MAGI1: variants seen among roughly 807,000 people sequenced by gnomAD.
MAGI1 encodes the protein membrane-associated guanylate kinase, WW and PDZ domain-containing protein 1.
A neutral mutation model predicts 139.9 loss-of-function variants in MAGI1; 58 were observed. The observed-to-expected ratio is 0.41, with a 90% CI of 0.34 to 0.52. MAGI1 has a LOEUF of 0.52. MAGI1 is among the 20% of genes least tolerant of loss of function. MAGI1 has a pLI of 0.12. For missense variants in MAGI1, 1,874 were observed against 1,901.6 expected, an observed-to-expected ratio of 0.99 and a Z score of 0.27; for synonymous variants, 812 against 737.9, an observed-to-expected ratio of 1.10 and a Z score of -1.63.
intron 1 of MAGI1, among the ~76,000 whole-genome samples, chr3:65,914,861 T>C (rs2061827004): frequency 6.6e-6 from 1 of 152,166 alleles, no homozygotes; most frequent in Admixed American, 6.5e-5. Context: ...TCGGGTAAGA[T>C]ATGTTACTTT....
At chr3:65,462,039 T>C (rs1949831676) in intron 5 of MAGI1, among the ~76,000 whole-genome samples, 1 of 152,178 alleles carries the variant, frequency 6.6e-6, no homozygotes, top group African/African-American at 2.4e-5. Flanking sequence ...AATGGATAGA[T>C]TCCAAACATG....
rs370763213 is a variant in MAGI1 at position 65,477,717 on chromosome 3, T to TATTATTATTATTA, written c.757+874_757+875insTAATAATAATAAT. 9.8e-4 allele frequency among the ~76,000 whole-genome samples: 122 copies of TATTATTATTATTA among 124,450 alleles called. 2 individuals carry two copies. The highest frequency in any genetic ancestry group is 5.1e-3 in the South Asian group (21 of 4,092). 81.6% of individuals were successfully genotyped at this position (124,450 alleles called of 152,430 possible). ...CATTATTATTATTATTATTATTTTT[T>TATTATTATTATTA]TTTTTTTATTTATATTTTTTGAGAC... is the stretch of plus-strand genomic sequence containing the variant. On this transcript the variant is annotated intron_variant, in intron 4 of 22. Coordinates refer to ENST00000402939, the MANE Select transcript of MAGI1 (RefSeq NM_001033057.2).
intron 1 of MAGI1, among the ~76,000 whole-genome samples, chr3:65,729,043 A>G (rs2033913145): frequency 7.0e-6 from 1 of 142,798 alleles, no homozygotes; most frequent in African/African-American, 2.6e-5. Context: ...TGGACCTGGC[A>G]TGGTCTGAAT....
At chr3:65,753,056 G>T (rs1276027975) in intron 1 of MAGI1, among the ~76,000 whole-genome samples, 2 of 152,116 alleles carry the variant, frequency 1.3e-5, no homozygotes, top group Non-Finnish European at 2.9e-5. Flanking sequence ...GTGTCAGAAT[G>T]ATTTTTTTCC....
At chr3:65,510,947 G>A (rs1365006226) in intron 2 of MAGI1, among the ~76,000 whole-genome samples, 1 of 148,596 alleles carries the variant, frequency 6.7e-6, no homozygotes, top group Non-Finnish European at 1.5e-5. Context: ...CAGACTAACA[G>A]CGGATCTCTT....
intron 1 of MAGI1, among the ~76,000 whole-genome samples, chr3:65,690,239 A>G (rs2088455815): frequency 6.6e-6 from 1 of 152,220 alleles, no homozygotes; most frequent in Admixed American, 6.5e-5. Context: ...CTTGAGAATC[A>G]AATGAATACA....
At chr3:65,577,677 G>A (rs773817887) in intron 2 of MAGI1, among the ~76,000 whole-genome samples, 12 of 152,102 alleles carry the variant, frequency 7.9e-5, no homozygotes, top group East Asian at 3.9e-4. Context: ...ACAGTGCTAC[G>A]TTTCTCCAGG....
chr3:65,673,481 A>T (rs1430084800), intron 1 of MAGI1, among the ~76,000 whole-genome samples: 5 of 152,202 alleles, frequency 3.3e-5, no homozygotes, highest in Admixed American at 1.3e-4. Flanking sequence ...GGTGTACCAT[A>T]TTTAGCCCCT....
chr3:65,589,332 C>T (rs903907934), intron 2 of MAGI1, among the ~76,000 whole-genome samples: 9 of 152,194 alleles, frequency 5.9e-5, no homozygotes, highest in African/African-American at 1.9e-4. Flanking sequence ...AGATCCCACA[C>T]TCTGCTGGAC....
chr3:66,030,068 G>A (rs2068511506), intron 1 of MAGI1, among the ~76,000 whole-genome samples: 1 of 152,092 alleles, frequency 6.6e-6, no homozygotes. Flanking sequence ...AGACTCCAGT[G>A]GACTCTTCCC....
chr3:65,453,308 G>T lies in MAGI1; in HGVS notation c.992C>A (p.Pro331His). Reference sequence around the variant, plus strand: ...CTTCTGCTGCTTGTTTAGGCACCGAGGGTCTAACCAAGATGTTGTTTTCGT... The same window carrying T: ...CTTCTGCTGCTTGTTTAGGCACCGATGGTCTAACCAAGATGTTGTTTTCGT... ...HNTKTTSWLD[P>H]RCLNKQQKPL... Residue 331 changes from proline (P) to histidine (H), a missense_variant, in exon 6 of 23, where the codon CCT becomes CAT. Transcript: ENST00000402939. 6.2e-7 allele frequency: 1 copy of T among 1,612,884 alleles called. No individual in the cohort carries two copies. The highest frequency in any genetic ancestry group is 8.5e-7 in the Non-Finnish European group (1 of 1,179,840).
intron 2 of MAGI1, among the ~76,000 whole-genome samples, chr3:65,578,129 C>T (rs974121822): frequency 6.6e-6 from 1 of 152,190 alleles, no homozygotes; most frequent in African/African-American, 2.4e-5. Flanking sequence ...TGATTTCCTC[C>T]AGCCGCCAAG....
At chr3:66,025,645 T>C (rs995399276) in intron 1 of MAGI1, among the ~76,000 whole-genome samples, 1 of 152,188 alleles carries the variant, frequency 6.6e-6, no homozygotes, top group Non-Finnish European at 1.5e-5. Flanking sequence ...CTTATTTTCA[T>C]AAGAAAAAGC....
chr3:65,553,474 G>C (rs2079945353), intron 2 of MAGI1, among the ~76,000 whole-genome samples: 1 of 152,020 alleles, frequency 6.6e-6, no homozygotes. Context: ...ATTTTTTAAA[G>C]CACTTCATAT....
intron 1 of MAGI1, among the ~76,000 whole-genome samples, chr3:65,714,658 C>A (rs1283771128): frequency 6.6e-6 from 1 of 152,064 alleles, no homozygotes; most frequent in East Asian, 1.9e-4. Flanking sequence ...AAAACCGAAG[C>A]CTGATACTGT....
intron 2 of MAGI1, among the ~76,000 whole-genome samples, chr3:65,532,560 T>C (rs1441082053): frequency 2.6e-5 from 4 of 152,198 alleles, no homozygotes; most frequent in Admixed American, 2.6e-4. Flanking sequence ...AGAAGGCACA[T>C]CTCTCTTTTG....
intron 1 of MAGI1, among the ~76,000 whole-genome samples, chr3:65,671,124 A>G (rs1321138466): frequency 6.6e-6 from 1 of 152,184 alleles, no homozygotes; most frequent in Non-Finnish European, 1.5e-5. Flanking sequence ...AAAACTGTTA[A>G]TATCCCCATT....
chr3:65,395,977 C>T (rs2127522), intron 13 of MAGI1, among the ~76,000 whole-genome samples: 146,376 of 152,032 alleles, frequency 0.96, 70,705 homozygotes, highest in East Asian at 1. Context: ...AGGTGGGCAA[C>T]ACCAGGGTAG....
chr3:65,403,552 T>C (rs963388362), intron 12 of MAGI1, among the ~76,000 whole-genome samples: 20 of 152,202 alleles, frequency 1.3e-4, no homozygotes, highest in Non-Finnish European at 2.5e-4. Context: ...AATTCATATT[T>C]TCTCCTAATT....
Sources: gnomAD v4.1 joint callset for allele counts (sites outside exome capture counted in the v4.1 genomes callset) on GRCh38, gnomAD v4.1.1 for gene constraint, MANE v1.5 for transcripts, NCBI Gene and HGNC (gene_info 2026-07-23, HGNC 2026-07-21) for gene names.